The following KIF11 variants were observed in gnomAD, a reference collection of about 807,000 sequenced individuals.
The protein encoded by KIF11 is kinesin-like protein KIF11.
In KIF11, 9 loss-of-function variants were observed where a neutral mutation model predicts 121.0. The observed-to-expected ratio is 0.07, with a 90% confidence interval of 0.04 to 0.13. The LOEUF is 0.13. Ranked by LOEUF, KIF11 falls within the 10% of genes least tolerant of loss-of-function variation. KIF11 has a pLI of 1.00. For missense variants in KIF11, 846 were observed against 1,217.5 expected (o/e 0.69, Z 4.54); for synonymous variants, 408 against 421.0 (o/e 0.97, Z 0.38).
intron 12 of KIF11, among the ~76,000 whole-genome samples, chr10:92,631,682 C>CT (rs147810086): frequency 3.6e-4 from 54 of 148,800 alleles, no homozygotes; most frequent in Admixed American, 1.3e-3. Flanking sequence ...ATTAGTTGTA[C>CT]TTTTTTTTTT....
At position 92,654,898 on chromosome 10, in the gene KIF11, A is replaced by G. The variant is rs376518815; in HGVS notation, c.*1102A>G. 2.6e-5 allele frequency: 4 copies of G among 152,722 alleles called. No homozygotes were observed. The highest frequency in any genetic ancestry group is 9.6e-5 in the African/African-American group (4 of 41,578). The allele number at this position is 152,722 out of a possible 1,614,324, so 9.5% of individuals were successfully genotyped here. A position where few individuals can be genotyped will look rare whatever the true frequency, so the allele number is the denominator to read the frequency against. ...CTCCAAGACCTGTGCCTTTTAGAGA[A>G]GCTCACAATGATTTAAGGACTGTTT... On this transcript the variant is annotated 3_prime_UTR_variant, in exon 22 of 22. Coordinates refer to ENST00000260731, the MANE Select transcript of KIF11 (RefSeq NM_004523.4).
chr10:92,628,874 T>A lies in KIF11; in HGVS notation c.1284T>A (p.Ala428=), dbSNP rs145117607. 109 of 1,596,486 alleles carry A rather than the reference T, an allele frequency of 6.8e-5. No individual in the cohort carries two copies. The highest frequency in any genetic ancestry group is 1.0e-4 in the Admixed American group (6 of 59,736). ...TAGAATTGATTGAAAAAATTGGTGCTGTTGAGGAGGAGCTGAATAGGGTAA... is the reference window on the plus strand; with the variant it reads ...TAGAATTGATTGAAAAAATTGGTGCAGTTGAGGAGGAGCTGAATAGGGTAA... ...QIVELIEKIG[A]VEEELNRVTE... is the part of the protein sequence containing the mutation. Residue 428 remains alanine (A), a synonymous_variant, in exon 11 of 22, where the codon GCT becomes GCA. Coordinates refer to ENST00000260731, the MANE Select transcript of KIF11 (RefSeq NM_004523.4).
chr10:92,597,050 A>G (rs1844304599), intron 1 of KIF11: 1 of 387,768 alleles, frequency 2.6e-6, no homozygotes, highest in South Asian at 2.3e-5. Flanking sequence ...CAAAGTTTCC[A>G]GTATCTGAGA....
rs751398749 is a variant in KIF11 at position 92,650,414 on chromosome 10, A to G, written c.2936A>G (p.Glu979Gly). 5 of 1,606,422 alleles carry G rather than the reference A, an allele frequency of 3.1e-6. No individual in the cohort carries two copies. Among genetic ancestry groups the G allele is most frequent in the Non-Finnish European group, 4.3e-6 (5 of 1,172,948 alleles). The change falls in exon 21 of 22, where the codon GAA becomes GGA. Residue 979 changes from glutamate to glycine, a missense_variant. By Grantham distance (98) the Glu-to-Gly change is moderately conservative (BLOSUM62 -2). Transcript: ENST00000260731. ...TTCTTCTTTTAGGATGTGGATGTAG[A>G]AGAGGCAGTTCTGGGGCAGTATACT... ...KEETIPDVDV[E>G]EAVLGQYTEE...
chr10:92,602,629 T>G (rs577934282), intron 1 of KIF11, among the ~76,000 whole-genome samples: 1 of 152,258 alleles, frequency 6.6e-6, no homozygotes, highest in African/African-American at 2.4e-5. Context: ...AGTTGTAAAG[T>G]TAGGGTGTTG....
chr10:92,639,859 T>G lies in KIF11; in HGVS notation c.2226T>G (p.Asn742Lys). The G allele has an allele frequency of 6.2e-7, 1 of 1,610,974 alleles. No individual in the cohort carries two copies. The highest frequency in any genetic ancestry group is 8.5e-7 in the Non-Finnish European group (1 of 1,177,752). ...RFCALEEKCE[N>K]IQKPLSSVQE... ...GTGCTTTGGAGGAAAAGTGTGAAAA[T>G]ATACAGAAACCACTTAGTAGTGTCC... The change falls in exon 17 of 22, where the codon AAT becomes AAG. Residue 742 changes from asparagine (N) to lysine (K), a missense_variant. Physicochemically the swap from Asn to Lys is moderately conservative, Grantham distance 94 (BLOSUM62 0). This residue lies in a region of KIF11 where 492 missense variants were observed against 603.4 expected (regional missense o/e 0.82). Transcript: ENST00000260731.
intron 10 of KIF11, among the ~76,000 whole-genome samples, chr10:92,627,783 C>G (rs904728736): frequency 6.6e-6 from 1 of 152,044 alleles, no homozygotes; most frequent in Non-Finnish European, 1.5e-5. Context: ...AGATATCATT[C>G]TTTGTTGGAT....
Position 92,645,467 on chromosome 10 carries a change from C to G in KIF11, c.2372C>G (p.Thr791Arg), listed in dbSNP as rs201096319. ...QELRNFNQEGTKLVEESVKHS... is the reference protein window; with the variant it reads ...QELRNFNQEGRKLVEESVKHS... ...CTCAGAAATTTTAACCAAGAAGGTA[C>G]AAAATTGGTTGAAGAATCTGTGAAA... The change falls in exon 18 of 22, where the codon ACA (threonine) becomes AGA (arginine). Residue 791 changes from threonine (T) to arginine (R), a missense_variant. This residue lies in a region of KIF11 where 492 missense variants were observed against 603.4 expected (regional missense o/e 0.82). Transcript: ENST00000260731. 9 of 1,613,924 alleles carry G rather than the reference C, an allele frequency of 5.6e-6. No individual in the cohort carries two copies. Among genetic ancestry groups the G allele is most frequent in the Non-Finnish European group, 7.6e-6 (9 of 1,179,886 alleles).
intron 1 of KIF11, among the ~76,000 whole-genome samples, chr10:92,599,690 G>A (rs754810348): frequency 1.5e-5 from 2 of 133,578 alleles, no homozygotes; most frequent in Non-Finnish European, 3.2e-5. Context: ...GTCTCGCTTT[G>A]TTGCCAGGCT....
chr10:92,627,421 TTC>T (rs1271408240), intron 10 of KIF11, among the ~76,000 whole-genome samples: 2 of 152,198 alleles, frequency 1.3e-5, no homozygotes, highest in Non-Finnish European at 2.9e-5. Flanking sequence ...TGACTTCATC[TTC>T]TGATATTTTT....
intron 4 of KIF11, 133 bp from the exon 5 acceptor site, chr10:92,608,887 G>A (rs1416084183): frequency 1.3e-5 from 7 of 536,306 alleles, no homozygotes; most frequent in Non-Finnish European, 1.9e-5. Flanking sequence ...TAGGTTAGTT[G>A]TTTCTTTTTT....
intron 6 of KIF11, among the ~76,000 whole-genome samples, chr10:92,611,911 A>T (rs1159855700): frequency 6.6e-6 from 1 of 152,156 alleles, no homozygotes; most frequent in Admixed American, 6.6e-5. Context: ...ATTAAAAAAG[A>T]TACTTAATTT....
chr10:92,624,772 G>T (rs867842780), intron 10 of KIF11, among the ~76,000 whole-genome samples: 11 of 134,832 alleles, frequency 8.2e-5, no homozygotes, highest in East Asian at 4.2e-4. Flanking sequence ...TGTGTGTGTG[G>T]TTTTTTTTTT....
intron 9 of KIF11, among the ~76,000 whole-genome samples, chr10:92,617,949 AGGCT>A (rs1449996106): frequency 6.6e-6 from 1 of 152,146 alleles, no homozygotes; most frequent in Non-Finnish European, 1.5e-5. Context: ...CATGTTGGCC[AGGCT>A]GGTCTTGAAC....
rs548335983 is a variant in KIF11, at chr10:92,654,013, G to A, written c.*217G>A. ...AGCCTGGCCAACGTGGCAAAACCTC[G>A]TCTCTGTTAAAAATTAGCCGGGCGT... On this transcript the variant is annotated 3_prime_UTR_variant, in exon 22 of 22. Transcript: ENST00000260731. The A allele has an allele frequency of 5.8e-6, 2 of 346,754 alleles. No homozygotes were observed. The highest frequency in any genetic ancestry group is 2.1e-5 in the African/African-American group (1 of 47,874). 21.5% of individuals were successfully genotyped at this position (346,754 alleles called of 1,614,324 possible).
At position 92,648,328 on chromosome 10, in the gene KIF11, A is replaced by T. The variant is rs147519860; in HGVS notation, c.2664A>T (p.Glu888Asp). The change falls in exon 19 of 22, where the codon GAA (glutamate) becomes GAT (aspartate). Residue 888 changes from glutamate (E) to aspartate (D), a missense_variant. By Grantham distance (45) the Glu-to-Asp change is conservative. Around this residue, in one of 5 missense-constraint regions of KIF11, gnomAD observed 492 missense variants for 603.4 expected, o/e 0.82. Coordinates refer to ENST00000260731, the MANE Select transcript of KIF11 (RefSeq NM_004523.4). ...NIFLDQMTID[E>D]DKLIAQNLEL... The stretch of plus-strand genomic sequence containing the variant: ...TTCTTGATCAGATGACTATTGATGA[A>T]GATAAATTGATAGCACAAAATCTAG... The T allele has an allele frequency of 6.2e-7, 1 of 1,612,438 alleles. No homozygotes were observed. Among genetic ancestry groups the T allele is most frequent in the Non-Finnish European group, 8.5e-7 (1 of 1,178,536 alleles).
chr10:92,633,561 T>A, intron 13 of KIF11, 62 bp from the exon 14 acceptor site: 1 of 1,209,732 alleles, frequency 8.3e-7, no homozygotes, highest in South Asian at 1.3e-5. Context: ...TTTGAAATGG[T>A]TTGAACGGTA....
At chr10:92,627,669 A>G (rs1429341510) in intron 10 of KIF11, among the ~76,000 whole-genome samples, 2 of 151,990 alleles carry the variant, frequency 1.3e-5, no homozygotes, top group Non-Finnish European at 2.9e-5. Flanking sequence ...TTGGCTGGCA[A>G]TTAAGATGGA....
Position 92,633,670 on chromosome 10 carries a change from G to A in KIF11, c.1750G>A (p.Val584Ile). The A allele has an allele frequency of 1.2e-6, 2 of 1,607,612 alleles. No homozygotes were observed. Among genetic ancestry groups the A allele is most frequent in the Non-Finnish European group, 1.7e-6 (2 of 1,174,828 alleles). ...SVSALDTITT[V>I]ALGSLTSIPE... ...CTCTGCATTAGATACCATTACTACA[G>A]TAGCACTTGGATCTCTCACATCTAT... Residue 584 changes from valine to isoleucine, a missense_variant, in exon 14 of 22, where the codon GTA becomes ATA. Val to Ile is a conservative substitution (Grantham distance 29). Coordinates refer to ENST00000260731, the MANE Select transcript of KIF11 (RefSeq NM_004523.4).
Sources: allele counts gnomAD v4.1 joint callset (sites outside exome capture counted in the v4.1 genomes callset), GRCh38; gene constraint gnomAD v4.1.1; regional missense constraint gnomAD v4.1.1; transcripts MANE v1.5; gene names NCBI Gene and HGNC (gene_info 2026-07-23, HGNC 2026-07-21).